RHCE: variants seen among roughly 807,000 people sequenced by gnomAD.
The protein encoded by RHCE is blood group Rh(CE) polypeptide.
A neutral mutation model predicts 43.8 loss-of-function variants in RHCE; 22 were observed. That is an observed-to-expected ratio of 0.50 (90% CI 0.36 to 0.72). RHCE has a LOEUF of 0.72. RHCE is among the 30% of genes least tolerant of loss of function. The pLI is 0.00. For missense variants in RHCE, 385 were observed against 525.4 expected, an observed-to-expected ratio of 0.73 and a Z score of 2.61; for synonymous variants, 156 against 210.7, an observed-to-expected ratio of 0.74 and a Z score of 2.25.
upstream of RHCE, among the ~76,000 whole-genome samples, chr1:25,424,740 G>T (rs1028959335): frequency 1.3e-5 from 2 of 151,908 alleles, no homozygotes; most frequent in African/African-American, 4.8e-5. Flanking sequence ...TGCTCCCCTT[G>T]ACAAGGGTTC....
At position 25,372,518 on chromosome 1, in the gene RHCE, T is replaced by TA. The variant is rs76717377; in HGVS notation, c.1154-1979dup. 5.8e-4 allele frequency among the ~76,000 whole-genome samples: 81 copies of TA among 139,916 alleles called. 1 individual carries two copies. The highest frequency in any genetic ancestry group is 9.1e-4 in the South Asian group (4 of 4,402). 91.8% of individuals were successfully genotyped at this position (139,916 alleles called of 152,430 possible). On this transcript the variant is annotated intron_variant, in intron 8 of 9. Transcript: ENST00000294413. ...TGGGCAACAAGAGCAAAACTCCGTC[T>TA]AAAAAAAAAAAAAAGAATTTCTCTT...
Position 25,376,526 on chromosome 1 carries a change from T to C in RHCE, c.1074-1098A>G, listed in dbSNP as rs527796988. The stretch of plus-strand genomic sequence containing the variant: ...TGGTTATCTTCCCTGTCTTTACTGA[T>C]TGTTCATTATAAAGTGGGAGAAATA... On this transcript the variant is annotated intron_variant, in intron 7 of 9. Coordinates refer to ENST00000294413, the MANE Select transcript of RHCE (RefSeq NM_020485.8). Among the ~76,000 whole-genome samples the C allele has an allele frequency of 2.0e-5, 3 of 152,328 alleles. 1 individual carries two copies. The highest frequency in any genetic ancestry group is 4.4e-5 in the Non-Finnish European group (3 of 68,036).
chr1:25,418,595 G>C (rs1335053514), intron 1 of RHCE, among the ~76,000 whole-genome samples: 1 of 152,184 alleles, frequency 6.6e-6, no homozygotes, highest in Non-Finnish European at 1.5e-5. Context: ...CAGCTACCTC[G>C]CCCAGCCCCT....
At position 25,393,587 on chromosome 1, in the gene RHCE, C is replaced by T. The variant is rs186018292; in HGVS notation, c.487-1446G>A. On this transcript the variant is annotated intron_variant, in intron 3 of 9. Transcript: ENST00000294413. Reference sequence around the variant, plus strand: ...AGTGAGCTGAGATGGCGCCACTGCACTCCAGCTTCGGCGACAGAGTGAGAC... The same window carrying T: ...AGTGAGCTGAGATGGCGCCACTGCATTCCAGCTTCGGCGACAGAGTGAGAC... 5.4e-3 allele frequency among the ~76,000 whole-genome samples: 823 copies of T among 152,194 alleles called. 5 individuals are homozygous for T. Among genetic ancestry groups the T allele is most frequent in the African/African-American group, 0.018 (755 of 41,490 alleles).
At chr1:25,392,223 A>G in intron 3 of RHCE, 82 bp from the exon 4 acceptor site, 1 of 1,609,404 alleles carries the variant, frequency 6.2e-7, no homozygotes, top group East Asian at 2.2e-5. Context: ...GAGAAAGTTC[A>G]GAGCTTCACT....
chr1:25,369,533 C>T (rs999646252), intron 9 of RHCE, among the ~76,000 whole-genome samples: 1 of 151,424 alleles, frequency 6.6e-6, no homozygotes, highest in Non-Finnish European at 1.5e-5. Flanking sequence ...ACCTTCTTCA[C>T]CTTCTTTCTA....
chr1:25,382,762 C>T (rs1036717637), intron 7 of RHCE, among the ~76,000 whole-genome samples: 9 of 152,246 alleles, frequency 5.9e-5, no homozygotes, highest in Middle Eastern at 6.8e-3. Context: ...GGGATTCAAA[C>T]TAGGAAGGCC....
intron 7 of RHCE, among the ~76,000 whole-genome samples, chr1:25,381,319 A>G (rs1447956261): frequency 6.6e-6 from 1 of 152,202 alleles, no homozygotes; most frequent in African/African-American, 2.4e-5. Context: ...TTCACCAGCC[A>G]CATTTCTATC....
At position 25,392,287 on chromosome 1, in the gene RHCE, A is replaced by G. The variant is rs979164862; in HGVS notation, c.487-146T>C. On this transcript the variant is annotated intron_variant, in intron 3 of 9. Transcript: ENST00000294413. ...TGGTGTTCAGAGCTTACCCAGCCCAACCCAGCAGGCTTTGCCCAGGCTGGA... is the reference window on the plus strand; with the variant it reads ...TGGTGTTCAGAGCTTACCCAGCCCAGCCCAGCAGGCTTTGCCCAGGCTGGA... 34 of 1,370,894 alleles carry G rather than the reference A, an allele frequency of 2.5e-5. No homozygotes were observed. In the African/African-American group the frequency reaches 4.7e-4, roughly 19 times the overall value. The allele number at this position is 1,370,894 out of a possible 1,614,324, so 84.9% of individuals were successfully genotyped here. A position where few individuals can be genotyped will look rare whatever the true frequency, so the allele number is the denominator to read the frequency against.
chr1:25,389,163 C>T, intron 5 of RHCE, 50 bp from the exon 6 acceptor site: 1 of 1,581,050 alleles, frequency 6.3e-7, no homozygotes, highest in South Asian at 1.1e-5. Flanking sequence ...AGAGAGAACA[C>T]CATCTTGCTG....
At position 25,388,988 on chromosome 1, in the gene RHCE, G is replaced by T. The variant is rs1454979271; in HGVS notation, c.927C>A (p.Ala309=). 4 of 1,614,120 alleles carry T rather than the reference G, an allele frequency of 2.5e-6. No homozygotes were observed. The African/African-American group carries it at 5.3e-5, about 22-fold the overall frequency. The change falls in exon 6 of 10, where the codon GCC becomes GCA. Residue 309 remains alanine, a synonymous_variant. Transcript: ENST00000294413. ...TCTAGTTTCTTACCGGCAGGCACTT[G>T]GCTCCCCCGATGGAGATCAGCCCAG... ...LVAGLISIGG[A]KCLPVCCNRV... is the part of the protein sequence containing the mutation.
At chr1:25,419,364 T>C (rs546741336) in intron 1 of RHCE, among the ~76,000 whole-genome samples, 2 of 152,298 alleles carry the variant, frequency 1.3e-5, no homozygotes, top group Admixed American at 6.5e-5. Flanking sequence ...CAGCTCTTGT[T>C]TGTCTGTCAC....
intron 5 of RHCE, among the ~76,000 whole-genome samples, chr1:25,390,162 C>T (rs189680230): frequency 6.6e-6 from 1 of 152,134 alleles, no homozygotes; most frequent in Non-Finnish European, 1.5e-5. Flanking sequence ...CCCATCTCTG[C>T]CCACAAGACT....
chr1:25,425,154 C>G (rs2042796045), upstream of RHCE, among the ~76,000 whole-genome samples: 1 of 152,184 alleles, frequency 6.6e-6, no homozygotes, highest in Admixed American at 6.5e-5. Flanking sequence ...CTATGAGAAT[C>G]TGAGCAACAT....
At chr1:25,395,696 G>A (rs1426661944) in intron 3 of RHCE, among the ~76,000 whole-genome samples, 1 of 152,134 alleles carries the variant, frequency 6.6e-6, no homozygotes, top group Non-Finnish European at 1.5e-5. Flanking sequence ...ATGGAAGTGT[G>A]TAAACCGGAA....
intron 2 of RHCE, among the ~76,000 whole-genome samples, chr1:25,426,529 T>C (rs997784295): frequency 1.3e-5 from 2 of 152,248 alleles, no homozygotes; most frequent in African/African-American, 4.8e-5. Flanking sequence ...AACTCCTCTG[T>C]GCCACAGTGT....
At chr1:25,383,951 C>T (rs1571855850) in intron 7 of RHCE, among the ~76,000 whole-genome samples, 1 of 152,314 alleles carries the variant, frequency 6.6e-6, no homozygotes, top group African/African-American at 2.4e-5. Context: ...AATCCTCTAC[C>T]AGCAAACCAC....
chr1:25,412,960 G>A (rs1399491632), intron 1 of RHCE, among the ~76,000 whole-genome samples: 7 of 152,204 alleles, frequency 4.6e-5, no homozygotes, highest in African/African-American at 1.7e-4. Context: ...GAAGGCTGAG[G>A]TTGCAGTGAG....
At chr1:25,390,106 C>G (rs192245940) in intron 5 of RHCE, among the ~76,000 whole-genome samples, 29 of 151,924 alleles carry the variant, frequency 1.9e-4, no homozygotes, top group South Asian at 1.2e-3. Flanking sequence ...ACCAGCTGGA[C>G]CCCCTGCCCC....
Sources: gnomAD v4.1 joint callset for allele counts (sites outside exome capture counted in the v4.1 genomes callset) on GRCh38, gnomAD v4.1.1 for gene constraint, MANE v1.5 for transcripts, NCBI Gene and HGNC (gene_info 2026-07-23, HGNC 2026-07-21) for gene names.